The following ARMC5 variants were observed in gnomAD, a reference collection of about 807,000 sequenced individuals.
ARMC5 encodes the protein armadillo repeat-containing protein 5.
In ARMC5, 28 loss-of-function variants were observed where a neutral mutation model predicts 60.5. The observed-to-expected ratio is 0.46, with a 90% CI of 0.34 to 0.63. The LOEUF is 0.63. Ranked by LOEUF, ARMC5 falls within the 30% of genes least tolerant of loss-of-function variation. The pLI, the probability that ARMC5 is intolerant of heterozygous loss-of-function variation, is 0.01. For synonymous variants in ARMC5, 680 were observed against 607.3 expected, an observed-to-expected ratio of 1.12 and a Z score of -1.76; for missense variants, 1,189 against 1,304.9, an observed-to-expected ratio of 0.91 and a Z score of 1.37.
In ARMC5 at chr16:31,466,326, G is replaced by T. The variant is rs759471751; in HGVS notation, c.2245G>T (p.Asp749Tyr). 6.2e-7 allele frequency: 1 copy of T among 1,613,554 alleles called. No individual in the cohort carries two copies. The highest frequency in any genetic ancestry group is 8.5e-7 in the Non-Finnish European group (1 of 1,179,874). ...GGGCCCAGCCCCTGTCCCAGCTCCC[G>T]ACCTGCACTTCCTGCTGGACTCAGG... ...LLGPAPVPAPDLHFLLDSGLQ... is the reference protein window; with the variant it reads ...LLGPAPVPAPYLHFLLDSGLQ... The change falls in exon 6 of 6, where the codon GAC becomes TAC. Residue 749 changes from aspartate (D) to tyrosine (Y), a missense_variant. Around this residue, in one of 2 missense-constraint regions of ARMC5, gnomAD observed 862 missense variants for 1,071.2 expected, o/e 0.80. Transcript: ENST00000268314. The surrounding 1 kb of genome is among the most constrained non-coding windows in gnomAD (Gnocchi z 8.0).
Position 31,464,402 on chromosome 16 carries a change from T to G in ARMC5, c.1379T>G (p.Leu460Arg). Residue 460 changes from leucine (L) to arginine (R), a missense_variant, in exon 4 of 6, where the codon CTG (leucine) becomes CGG (arginine). This residue lies in a region of ARMC5 where 862 missense variants were observed against 1,071.2 expected (regional missense o/e 0.80). Transcript: ENST00000268314. The surrounding 1 kb of genome is among the most constrained non-coding windows in gnomAD (Gnocchi z 7.6). ...CTTTCTGCCCTCCGCAGGTCGTGGC[T>G]GATCTCCGAGGGCTATGCCACAGGC... Reference protein sequence around the residue: ...GGSFRSLRSWLISEGYATGPD... With the variant: ...GGSFRSLRSWRISEGYATGPD... 2 of 1,524,956 alleles carry G rather than the reference T, an allele frequency of 1.3e-6. No homozygotes were observed. The highest frequency in any genetic ancestry group is 1.8e-6 in the Non-Finnish European group (2 of 1,136,598). 94.5% of individuals were successfully genotyped at this position (1,524,956 alleles called of 1,614,324 possible).
Position 31,464,849 on chromosome 16 carries a change from G to A in ARMC5, c.1826G>A (p.Arg609His), listed in dbSNP as rs767369427. Reference protein sequence around the residue: ...GVAPDDWPAPRARPTLHSRHR... With the variant: ...GVAPDDWPAPHARPTLHSRHR... ...GCGCCTGACGATTGGCCGGCACCAC[G>A]TGCCCGGCCCACTCTCCACAGCCGG... Residue 609 changes from arginine to histidine, a missense_variant, in exon 4 of 6, where the codon CGT becomes CAT. By Grantham distance (29) the Arg-to-His change is conservative (BLOSUM62 0). Coordinates refer to ENST00000268314, the MANE Select transcript of ARMC5 (RefSeq NM_001105247.2). This position sits in a 1 kb window ranked among gnomAD's most constrained non-coding sequence, Gnocchi z 7.6. 6.3e-6 allele frequency: 10 copies of A among 1,598,494 alleles called. No individual in the cohort carries two copies. The South Asian group carries it at 7.7e-5, about 12-fold the overall frequency.
In ARMC5 at chr16:31,462,916, A is replaced by C. The variant is rs1406896715; in HGVS notation, c.1369A>C (p.Arg457=). The C allele has an allele frequency of 6.3e-7, 1 of 1,580,224 alleles. No homozygotes were observed. The highest frequency in any genetic ancestry group is 1.3e-5 in the African/African-American group (1 of 74,232). Reference sequence around the variant, plus strand: ...ACAGGGTGGAAGCTTCCGGAGCCTCAGGTGAGTCCCTGCCTCAGGGCTTGG... The same window carrying C: ...ACAGGGTGGAAGCTTCCGGAGCCTCCGGTGAGTCCCTGCCTCAGGGCTTGG... ...RAQGGSFRSL[R]SWLISEGYAT... is the part of the protein sequence containing the mutation. The change falls in exon 3 of 6, where the codon AGG becomes CGG. Residue 457 remains arginine (R), a splice_region_variant and synonymous_variant. Coordinates refer to ENST00000268314, the MANE Select transcript of ARMC5 (RefSeq NM_001105247.2). This position sits in a 1 kb window ranked among gnomAD's most constrained non-coding sequence, Gnocchi z 7.2.
At chr16:31,458,316 T>A, upstream of ARMC5, 1 of 1,278,996 alleles carries the variant, frequency 7.8e-7, no homozygotes, top group South Asian at 1.3e-5. Context: ...CTTTTAGCGG[T>A]GTGAGCGCGC....
Position 31,459,652 on chromosome 16 carries a change from C to G in ARMC5, c.128C>G (p.Ala43Gly). The G allele has an allele frequency of 6.3e-7, 1 of 1,587,216 alleles. No individual in the cohort carries two copies. Among genetic ancestry groups the G allele is most frequent in the Non-Finnish European group, 8.5e-7 (1 of 1,174,724 alleles). Residue 43 changes from alanine to glycine, a missense_variant, in exon 1 of 6, where the codon GCG (alanine) becomes GGG (glycine). Transcript: ENST00000268314. ...PATNETPLSR[A>G]LLALRTRHIK... Reference sequence around the variant, plus strand: ...ACCAACGAGACACCCCTGAGCCGCGCGCTCCTAGCCCTCCGCACGCGCCAC... The same window carrying G: ...ACCAACGAGACACCCCTGAGCCGCGGGCTCCTAGCCCTCCGCACGCGCCAC...
chr16:31,466,220 TC>T lies in ARMC5; in HGVS notation c.2142del (p.Thr715LeufsTer2). ...SLSCLQDLVS[P>X]TVSPAVPQAV... ...TTTCCTGCCTCCAAGACCTGGTGTC[TC>T]CCACTGTGAGCCCAGCTGTCCCACA... is the stretch of plus-strand genomic sequence containing the variant. On this transcript the variant is annotated frameshift_variant, in exon 6 of 6. Coordinates refer to ENST00000268314, the MANE Select transcript of ARMC5 (RefSeq NM_001105247.2). LOFTEE classifies it high-confidence loss of function. This position sits in a 1 kb window ranked among gnomAD's most constrained non-coding sequence, Gnocchi z 8.0. 1 of 1,613,556 alleles carries T rather than the reference TC, an allele frequency of 6.2e-7. No individual in the cohort carries two copies. Among genetic ancestry groups the T allele is most frequent in the Non-Finnish European group, 8.5e-7 (1 of 1,179,876 alleles).
chr16:31,459,126 AGAG>A (rs566308489), upstream of ARMC5: 18 of 1,488,578 alleles, frequency 1.2e-5, no homozygotes, highest in East Asian at 4.2e-4. Context: ...AAGCGAGCCT[AGAG>A]GAGAAAAGGC....
upstream of ARMC5, chr16:31,458,880 G>A (rs1452829054): frequency 3.3e-6 from 5 of 1,535,632 alleles, no homozygotes; most frequent in East Asian, 4.9e-5. Context: ...TCACGAGCAC[G>A]TCCAGAGCGG....
At position 31,464,309 on chromosome 16, in the gene ARMC5, A is replaced by G; in HGVS notation, c.1371-85A>G. 1.9e-6 allele frequency: 2 copies of G among 1,060,872 alleles called. No homozygotes were observed. Among genetic ancestry groups the G allele is most frequent in the East Asian group, 3.0e-5 (1 of 32,918 alleles). The allele number at this position is 1,060,872 out of a possible 1,614,324, so 65.7% of individuals were successfully genotyped here. A position where few individuals can be genotyped will look rare whatever the true frequency, so the allele number is the denominator to read the frequency against. ...CATTTCTTTAAAAAAAAAAAAAAAA[A>G]AAAAAAAGACGCCTCACGCCTCTTG... On this transcript the variant is annotated intron_variant, in intron 3 of 5. Coordinates refer to ENST00000268314, the MANE Select transcript of ARMC5 (RefSeq NM_001105247.2). The surrounding 1 kb of genome is among the most constrained non-coding windows in gnomAD (Gnocchi z 7.6).
chr16:31,462,022 C>T lies in ARMC5; in HGVS notation c.576C>T (p.His192=). The change falls in exon 2 of 6, where the codon CAC becomes CAT. Residue 192 remains histidine, a synonymous_variant. Coordinates refer to ENST00000268314, the MANE Select transcript of ARMC5 (RefSeq NM_001105247.2). This position sits in a 1 kb window ranked among gnomAD's most constrained non-coding sequence, Gnocchi z 7.2. ...AMEPESCGDI[H]CAGAVPLLVE... is the part of the protein sequence containing the mutation. ...AACCTGAGAGCTGTGGGGACATCCACTGTGCTGGTAAGAGGCTGTGAGGTT... is the reference window on the plus strand; with the variant it reads ...AACCTGAGAGCTGTGGGGACATCCATTGTGCTGGTAAGAGGCTGTGAGGTT... 1 of 1,614,174 alleles carries T rather than the reference C, an allele frequency of 6.2e-7. No individual in the cohort carries two copies. Among genetic ancestry groups the T allele is most frequent in the Non-Finnish European group, 8.5e-7 (1 of 1,180,012 alleles).
chr16:31,465,218 C>T (rs546468119), intron 4 of ARMC5: 27 of 1,557,316 alleles, frequency 1.7e-5, no homozygotes, highest in East Asian at 1.1e-4. Flanking sequence ...CCCACCAGCA[C>T]GCTGACCTGT....
chr16:31,458,785 T>A (rs1388290818), upstream of ARMC5: 1 of 1,515,678 alleles, frequency 6.6e-7, no homozygotes, highest in Non-Finnish European at 8.8e-7. Context: ...CCCCGCCCCG[T>A]CCGGATTCTC....
At position 31,460,008 on chromosome 16, in the gene ARMC5, T is replaced by C; in HGVS notation, c.475+9T>C. On this transcript the variant is annotated intron_variant, in intron 1 of 5. Coordinates refer to ENST00000268314, the MANE Select transcript of ARMC5 (RefSeq NM_001105247.2). ...AGGCATACTCCCTTTGGGTAAGTGCTCCGCCCCCGTTTCCTAGAAAGATTA... is the reference window on the plus strand; with the variant it reads ...AGGCATACTCCCTTTGGGTAAGTGCCCCGCCCCCGTTTCCTAGAAAGATTA... 1 of 1,593,822 alleles carries C rather than the reference T, an allele frequency of 6.3e-7. No individual in the cohort carries two copies. The highest frequency in any genetic ancestry group is 1.3e-5 in the African/African-American group (1 of 74,372).
rs1874505729 is a variant in ARMC5, at chr16:31,463,035, C to G, written c.1370+118C>G. The G allele has an allele frequency of 7.3e-6, 8 of 1,099,352 alleles. No individual in the cohort carries two copies. The South Asian group carries it at 1.2e-4, about 17-fold the overall frequency. 68.1% of individuals were successfully genotyped at this position (1,099,352 alleles called of 1,614,324 possible). ...TCTGTCTGAATAAGACTTTTATAACCCAGACTCCTGATTCCCACACGACCA... is the reference window on the plus strand; with the variant it reads ...TCTGTCTGAATAAGACTTTTATAACGCAGACTCCTGATTCCCACACGACCA... On this transcript the variant is annotated intron_variant, in intron 3 of 5. Transcript: ENST00000268314.
chr16:31,466,498 A>G lies in ARMC5; in HGVS notation c.2417A>G (p.His806Arg). 2 of 1,610,514 alleles carry G rather than the reference A, an allele frequency of 1.2e-6. No individual in the cohort carries two copies. The highest frequency in any genetic ancestry group is 8.5e-7 in the Non-Finnish European group (1 of 1,179,688). Residue 806 changes from histidine to arginine, a missense_variant, in exon 6 of 6, where the codon CAT becomes CGT. By Grantham distance (29) the His-to-Arg change is conservative. This residue lies in a region of ARMC5 where 862 missense variants were observed against 1,071.2 expected (regional missense o/e 0.80). Transcript: ENST00000268314. This position sits in a 1 kb window ranked among gnomAD's most constrained non-coding sequence, Gnocchi z 8.0. ...SPGAAWPVLHHLHGCRGCGAA... is the reference protein window; with the variant it reads ...SPGAAWPVLHRLHGCRGCGAA... ...GGTGCAGCCTGGCCTGTCCTGCATC[A>G]TTTGCATGGTTGTCGGGGGTGTGGG...
Position 31,462,196 on chromosome 16 carries a change from G to T in ARMC5, c.649G>T (p.Val217Leu). 2.5e-6 allele frequency: 4 copies of T among 1,611,950 alleles called. No homozygotes were observed. Among genetic ancestry groups the T allele is most frequent in the Non-Finnish European group, 3.4e-6 (4 of 1,180,014 alleles). ...GGACTCGCAGTGCCTACAGAGCGTG[G>T]TGCGTGCCCTCCGTAACCTGGCAGA... ...CQDSQCLQSV[V>L]RALRNLADSP... Residue 217 changes from valine (V) to leucine (L), a missense_variant, in exon 3 of 6, where the codon GTG becomes TTG. Physicochemically the swap from Val to Leu is conservative, Grantham distance 32 (BLOSUM62 1). This residue lies in a region of ARMC5 where 862 missense variants were observed against 1,071.2 expected (regional missense o/e 0.80). Coordinates refer to ENST00000268314, the MANE Select transcript of ARMC5 (RefSeq NM_001105247.2). The surrounding 1 kb of genome is among the most constrained non-coding windows in gnomAD (Gnocchi z 7.2).
chr16:31,459,077 C>A (rs921579816), upstream of ARMC5: 2 of 1,490,578 alleles, frequency 1.3e-6, no homozygotes, highest in Non-Finnish European at 1.8e-6. Flanking sequence ...TCTCGGAGTC[C>A]GTCCCAAGGC....
chr16:31,461,907 A>G lies in ARMC5; in HGVS notation c.476-15A>G, dbSNP rs751455525. ...TAAGGGGTAGAACCCTCACAAGCCC[A>G]AACTGTCGTTGCAGTGACCATTCTT... On this transcript the variant is annotated splice_polypyrimidine_tract_variant and intron_variant, in intron 1 of 5. Transcript: ENST00000268314. The G allele has an allele frequency of 9.3e-6, 15 of 1,611,666 alleles. No individual in the cohort carries two copies. Among genetic ancestry groups the G allele is most frequent in the Non-Finnish European group, 1.3e-5 (15 of 1,177,842 alleles).
In ARMC5 at chr16:31,466,991, G is replaced by A. The variant is rs2082367174; in HGVS notation, c.*102G>A. 4 of 1,349,350 alleles carry A rather than the reference G, an allele frequency of 3.0e-6. No homozygotes were observed. In the African/African-American group the frequency reaches 5.9e-5, roughly 20 times the overall value. The allele number at this position is 1,349,350 out of a possible 1,614,324, so 83.6% of individuals were successfully genotyped here. On this transcript the variant is annotated 3_prime_UTR_variant, in exon 6 of 6. Coordinates refer to ENST00000268314, the MANE Select transcript of ARMC5 (RefSeq NM_001105247.2). The surrounding 1 kb of genome is among the most constrained non-coding windows in gnomAD (Gnocchi z 8.0). ...GAGGCTGAGCAGAAGGAGTCATCATGGAGGAGCGGTGAGAACATGGAACCG... is the reference window on the plus strand; with the variant it reads ...GAGGCTGAGCAGAAGGAGTCATCATAGAGGAGCGGTGAGAACATGGAACCG...
Sources: allele counts gnomAD v4.1 joint callset, GRCh38; gene constraint gnomAD v4.1.1; regional missense constraint gnomAD v4.1.1; non-coding constraint Gnocchi (gnomAD v3.1); transcripts MANE v1.5; gene names NCBI Gene and HGNC (gene_info 2026-07-23, HGNC 2026-07-21).